Variants in CCDC85A observed in about 807,000 individuals in gnomAD.
CCDC85A encodes the protein coiled-coil domain-containing protein 85A.
In CCDC85A, 38 loss-of-function variants were observed where a neutral mutation model predicts 50.2. That is an observed-to-expected ratio of 0.76 (90% CI 0.58 to 0.99). The LOEUF (loss-of-function observed/expected upper bound fraction) is 0.99. CCDC85A is among the 50% of genes least tolerant of loss of function. CCDC85A has a pLI of 0.00. For synonymous variants in CCDC85A, 366 were observed against 301.4 expected, an observed-to-expected ratio of 1.21 and a Z score of -2.22; for missense variants, 820 against 742.0, an observed-to-expected ratio of 1.11 and a Z score of -1.22.
Position 56,280,759 on chromosome 2 carries a change from G to C in CCDC85A, c.1241-62120G>C, listed in dbSNP as rs186963640. Among the ~76,000 whole-genome samples the C allele has an allele frequency of 5.6e-4, 85 of 152,252 alleles. 1 individual carries two copies. The East Asian group carries it at 8.9e-3, about 16-fold the overall frequency. On this transcript the variant is annotated intron_variant, in intron 2 of 5. Transcript: ENST00000407595. Reference sequence around the variant, plus strand: ...GTTAGCACATACATCTAACAGAAAAGTTATTTCTGGCCCATTCTCTCTCTC... The same window carrying C: ...GTTAGCACATACATCTAACAGAAAACTTATTTCTGGCCCATTCTCTCTCTC...
At chr2:56,378,414 T>C (rs905574075) in intron 5 of CCDC85A, among the ~76,000 whole-genome samples, 16 of 152,242 alleles carry the variant, frequency 1.1e-4, no homozygotes, top group Admixed American at 3.9e-4. Flanking sequence ...CTTCATTTAG[T>C]AAAAATTAAC....
At position 56,268,843 on chromosome 2, in the gene CCDC85A, A is replaced by G. The variant is rs546978740; in HGVS notation, c.1241-74036A>G. ...CTAATATATTCTATAGAGAGAATAG[A>G]AAGATAATACAGTCTTCCCTTTGAC... On this transcript the variant is annotated intron_variant, in intron 2 of 5. Transcript: ENST00000407595. Among the ~76,000 whole-genome samples, 5 of 152,314 alleles carry G rather than the reference A, an allele frequency of 3.3e-5. No homozygotes were observed. The East Asian group carries it at 5.8e-4, about 18-fold the overall frequency.
chr2:56,200,019 C>G (rs1676669610), intron 2 of CCDC85A, among the ~76,000 whole-genome samples: 2 of 152,206 alleles, frequency 1.3e-5, no homozygotes, highest in Admixed American at 1.3e-4. Context: ...CAGGCGCACA[C>G]CACCACGCCT....
At chr2:56,285,782 T>G (rs1671416705) in intron 2 of CCDC85A, among the ~76,000 whole-genome samples, 1 of 152,006 alleles carries the variant, frequency 6.6e-6, no homozygotes, top group African/African-American at 2.4e-5. Flanking sequence ...GAAAAAGGGT[T>G]GCTTTTTATA....
rs545658770 is a variant in CCDC85A at position 56,204,584 on chromosome 2, C to T, written c.1240+11144C>T. On this transcript the variant is annotated intron_variant, in intron 2 of 5. Transcript: ENST00000407595. ...AAGGAAAGGAAGAAAGGAGATTAAT[C>T]TACCTGTATGTCTAATTGGCTTGGA... Among the ~76,000 whole-genome samples, 7 of 152,312 alleles carry T rather than the reference C, an allele frequency of 4.6e-5. No individual in the cohort carries two copies. In the East Asian group the frequency reaches 1.4e-3, roughly 29 times the overall value.
chr2:56,280,465 A>G (rs919781108), intron 2 of CCDC85A, among the ~76,000 whole-genome samples: 18 of 152,216 alleles, frequency 1.2e-4, no homozygotes, highest in Non-Finnish European at 2.9e-5. Context: ...AAGTAATTAT[A>G]GTACTATAAT....
At chr2:56,366,229 T>C (rs748972471) in intron 3 of CCDC85A, among the ~76,000 whole-genome samples, 1 of 152,192 alleles carries the variant, frequency 6.6e-6, no homozygotes, top group African/African-American at 2.4e-5. Context: ...GGAGTGCAGA[T>C]ATCTCTTTGA....
At chr2:56,353,203 C>A (rs1675044200) in intron 3 of CCDC85A, among the ~76,000 whole-genome samples, 1 of 152,146 alleles carries the variant, frequency 6.6e-6, no homozygotes, top group South Asian at 2.1e-4. Context: ...ATGTTTAAGA[C>A]TCAGACCATA....
At chr2:56,284,814 C>T (rs980069829) in intron 2 of CCDC85A, among the ~76,000 whole-genome samples, 1 of 152,138 alleles carries the variant, frequency 6.6e-6, no homozygotes, top group African/African-American at 2.4e-5. Flanking sequence ...TACAACTTAT[C>T]TTCCAAAAAA....
chr2:56,263,100 G>C (rs965255), intron 2 of CCDC85A, among the ~76,000 whole-genome samples: 80,984 of 151,988 alleles, frequency 0.53, 21,900 homozygotes, highest in African/African-American at 0.62. Context: ...TACTTAAGTA[G>C]AGTGTGTAAA....
chr2:56,261,274 A>G (rs1461291447), intron 2 of CCDC85A, among the ~76,000 whole-genome samples: 1 of 152,198 alleles, frequency 6.6e-6, no homozygotes, highest in Non-Finnish European at 1.5e-5. Flanking sequence ...ACAGCACTAT[A>G]AAATAGGTAG....
intron 2 of CCDC85A, among the ~76,000 whole-genome samples, chr2:56,250,448 A>G (rs780504616): frequency 2.3e-4 from 35 of 152,202 alleles, no homozygotes; most frequent in Non-Finnish European, 5.1e-4. Context: ...GTACTAGCCT[A>G]TCAAGGATAA....
chr2:56,375,735 G>T (rs1034383240), intron 4 of CCDC85A, 81 bp from the exon 5 acceptor site: 1 of 1,432,100 alleles, frequency 7.0e-7, no homozygotes, highest in African/African-American at 1.4e-5. Flanking sequence ...TCATTTGGTA[G>T]TGAAATTGAA....
At chr2:56,342,758 C>A in intron 2 of CCDC85A, 121 bp from the exon 3 acceptor site, 1 of 514,424 alleles carries the variant, frequency 1.9e-6, no homozygotes, top group South Asian at 3.5e-5. Flanking sequence ...TTTTTTTTCT[C>A]ATTTTAAATA....
chr2:56,315,264 A>G (rs1672870154), intron 2 of CCDC85A, among the ~76,000 whole-genome samples: 1 of 152,178 alleles, frequency 6.6e-6, no homozygotes, highest in East Asian at 1.9e-4. Context: ...AGGAAAAAAT[A>G]CTAATTGTTT....
At chr2:56,321,351 G>C (rs1410371889) in intron 2 of CCDC85A, among the ~76,000 whole-genome samples, 1 of 152,158 alleles carries the variant, frequency 6.6e-6, no homozygotes, top group Non-Finnish European at 1.5e-5. Flanking sequence ...AAGTCAAATT[G>C]TCCCTGTTTG....
chr2:56,204,200 G>A (rs1676865822), intron 2 of CCDC85A, among the ~76,000 whole-genome samples: 2 of 152,220 alleles, frequency 1.3e-5, no homozygotes, highest in South Asian at 2.1e-4. Flanking sequence ...TTTCATAGAA[G>A]AAGATCCTTT....
intron 3 of CCDC85A, among the ~76,000 whole-genome samples, chr2:56,357,316 A>G (rs1675283204): frequency 1.3e-5 from 2 of 152,192 alleles, no homozygotes; most frequent in South Asian, 4.1e-4. Context: ...CTTAATATTA[A>G]TAAAATTCAT....
chr2:56,289,056 C>A (rs1421369497), intron 2 of CCDC85A, among the ~76,000 whole-genome samples: 2 of 152,060 alleles, frequency 1.3e-5, no homozygotes, highest in African/African-American at 4.8e-5. Flanking sequence ...GAGTGCTGAC[C>A]CGGGTTCCAG....
Sources: allele counts gnomAD v4.1 joint callset (sites outside exome capture counted in the v4.1 genomes callset), GRCh38; gene constraint gnomAD v4.1.1; transcripts MANE v1.5; gene names NCBI Gene and HGNC (gene_info 2026-07-23, HGNC 2026-07-21).